The following DNAH17 variants were observed in gnomAD, a reference collection of about 807,000 sequenced individuals.
DNAH17 encodes the protein axonemal beta dynein heavy chain 17.
Under a neutral mutation model 485.6 loss-of-function variants are expected in DNAH17, and 376 were observed. The observed-to-expected ratio is 0.77, with a 90% CI of 0.71 to 0.84. DNAH17 has a LOEUF of 0.84. Ranked by LOEUF, DNAH17 falls within the 40% of genes least tolerant of loss-of-function variation. The probability of loss-of-function intolerance (pLI) is 0.00; values close to 1 mark genes in which losing one functional copy is unlikely to be tolerated. For synonymous variants in DNAH17, 3,031 were observed against 2,405.9 expected (o/e 1.26, Z -7.60); for missense variants, 6,370 against 5,839.3 (o/e 1.09, Z -2.96).
At position 78,484,985 on chromosome 17, in the gene DNAH17, G is replaced by A. The variant is rs1257968419; in HGVS notation, c.7532C>T (p.Pro2511Leu). 9.3e-6 allele frequency: 15 copies of A among 1,613,292 alleles called. No homozygotes were observed. The highest frequency in any genetic ancestry group is 4.5e-5 in the East Asian group (2 of 44,850). The change falls in exon 48 of 81, where the codon CCG becomes CTG. Residue 2511 changes from proline (P) to leucine (L), a missense_variant. Physicochemically the swap from Pro to Leu is moderately conservative, Grantham distance 98. Coordinates refer to ENST00000389840, the MANE Select transcript of DNAH17 (RefSeq NM_173628.4). ...GTAGACGAGCTTCTTAGTGCCTGGC[G>A]GCCCGTAGTTCCTCCCCGATTTCTT... The part of the protein sequence containing the change: ...LEKKSGRNYG[P>L]PGTKKLVYFI...
chr17:78,548,222 G>C (rs1450103866), intron 16 of DNAH17, among the ~76,000 whole-genome samples: 1 of 9,728 alleles, frequency 1.0e-4, no homozygotes, highest in Non-Finnish European at 2.3e-4. Context: ...TTTTTTTTTT[G>C]GAGACAGAGT....
intron 9 of DNAH17, 28 bp downstream of exon 9, chr17:78,569,138 G>A (rs77590763): frequency 1.3e-6 from 2 of 1,549,098 alleles, no homozygotes; most frequent in South Asian, 1.2e-5. Flanking sequence ...GGAAGTGGAG[G>A]TCAAGATGCA....
At chr17:78,493,807 C>T (rs2089960569) in intron 41 of DNAH17, among the ~76,000 whole-genome samples, 1 of 152,216 alleles carries the variant, frequency 6.6e-6, no homozygotes, top group African/African-American at 2.4e-5. Context: ...CAAGGAGGAA[C>T]AGGGAGGGAG....
At chr17:78,532,128 A>G (rs566295167) in intron 20 of DNAH17, among the ~76,000 whole-genome samples, 2 of 152,110 alleles carry the variant, frequency 1.3e-5, no homozygotes, top group South Asian at 4.1e-4. Context: ...TATAGCCTAG[A>G]GCCTGCTGAA....
At chr17:78,503,134 G>T (rs1292768372) in intron 31 of DNAH17, 123 bp from the exon 32 acceptor site, 3 of 1,085,588 alleles carry the variant, frequency 2.8e-6, no homozygotes, top group East Asian at 6.5e-5. Flanking sequence ...GGGCAGACAG[G>T]TCAAGGATTT....
At chr17:78,450,047 C>T (rs1014523919) in intron 68 of DNAH17, 1 of 606,282 alleles carries the variant, frequency 1.6e-6, no homozygotes, top group Non-Finnish European at 2.9e-6. Context: ...GGGAGCAGCT[C>T]ATACCCTCTC....
At chr17:78,506,356 G>C (rs1335963269) in intron 30 of DNAH17, among the ~76,000 whole-genome samples, 1 of 151,884 alleles carries the variant, frequency 6.6e-6, no homozygotes, top group Non-Finnish European at 1.5e-5. Context: ...CCTTGCTCTT[G>C]GGACCCTGAG....
At chr17:78,462,439 G>T (rs2088181789) in intron 57 of DNAH17, among the ~76,000 whole-genome samples, 1 of 152,132 alleles carries the variant, frequency 6.6e-6, no homozygotes, top group Admixed American at 6.5e-5. Context: ...GAAGCAGGCA[G>T]AACCCTTCAA....
Position 78,486,278 on chromosome 17 carries a change from C to T in DNAH17, c.7047G>A (p.Leu2349=). ...PPDSPRELYE[L]YFVFTCFWAF... ...CCCAGAAGCAGGTGAACACGAAGTA[C>T]AGCTCGTACAGCTCCCTGGGGGAGT... The change falls in exon 45 of 81, where the codon CTG becomes CTA. Residue 2349 remains leucine, a synonymous_variant. Coordinates refer to ENST00000389840, the MANE Select transcript of DNAH17 (RefSeq NM_173628.4). 1.9e-6 allele frequency: 3 copies of T among 1,607,614 alleles called. No homozygotes were observed. Among genetic ancestry groups the T allele is most frequent in the Admixed American group, 1.7e-5 (1 of 59,828 alleles).
intron 25 of DNAH17, among the ~76,000 whole-genome samples, chr17:78,516,769 A>T (rs1435669440): frequency 6.6e-6 from 1 of 151,876 alleles, no homozygotes; most frequent in Non-Finnish European, 1.5e-5. Context: ...AGAGGCCTTC[A>T]ATTTGTACCT....
intron 54 of DNAH17, among the ~76,000 whole-genome samples, chr17:78,473,129 G>A (rs149184320): frequency 6.6e-6 from 1 of 152,364 alleles, no homozygotes; most frequent in Admixed American, 6.5e-5. Flanking sequence ...TACTATGGCA[G>A]CACCATTAGA....
chr17:78,497,967 A>T (rs544170934), intron 37 of DNAH17, among the ~76,000 whole-genome samples: 373 of 152,052 alleles, frequency 2.5e-3, no homozygotes, highest in African/African-American at 8.5e-3. Context: ...ACACGGAGAA[A>T]CCCCATCTCT....
At chr17:78,492,248 T>C (rs1049615893) in intron 42 of DNAH17, among the ~76,000 whole-genome samples, 6 of 152,094 alleles carry the variant, frequency 3.9e-5, no homozygotes, top group Non-Finnish European at 7.4e-5. Flanking sequence ...CGCCACCTCC[T>C]GGGGGAAGCT....
chr17:78,472,758 C>G, intron 54 of DNAH17: 1 of 455,198 alleles, frequency 2.2e-6, no homozygotes, highest in Non-Finnish European at 4.4e-6. Flanking sequence ...TCCCCTCCCC[C>G]TCCGTTCTCC....
chr17:78,557,707 A>T (rs1383551379), intron 14 of DNAH17, among the ~76,000 whole-genome samples: 2 of 91,128 alleles, frequency 2.2e-5, no homozygotes, highest in Non-Finnish European at 4.6e-5. Flanking sequence ...ATTCATCACC[A>T]GCTGTTCTGA....
chr17:78,518,676 G>A lies in DNAH17; in HGVS notation c.3865-3654C>T, dbSNP rs1021829350. On this transcript the variant is annotated intron_variant, in intron 25 of 80. Transcript: ENST00000389840. ...CTAATTGACACGTATAAAACACTCCGCCCAACAGAAGCAGAATACGCATTC... is the reference window on the plus strand; with the variant it reads ...CTAATTGACACGTATAAAACACTCCACCCAACAGAAGCAGAATACGCATTC... Among the ~76,000 whole-genome samples the A allele has an allele frequency of 3.3e-5, 5 of 152,232 alleles. No individual in the cohort carries two copies. The East Asian group carries it at 5.8e-4, about 18-fold the overall frequency.
chr17:78,502,500 G>A (rs1057135122), intron 33 of DNAH17, 91 bp downstream of exon 33: 173 of 1,241,724 alleles, frequency 1.4e-4, no homozygotes, highest in Non-Finnish European at 1.7e-4. Context: ...CCAGGTACTC[G>A]CCCGGCAGGT....
In DNAH17 at chr17:78,529,400, G is replaced by C. The variant is rs539319098; in HGVS notation, c.3507+72C>G. On this transcript the variant is annotated intron_variant, in intron 22 of 80. Transcript: ENST00000389840. ...CATCCCCCATGGTTGCGTTTGATGG[G>C]CTGGTCCATGGTCGCGGCCGGGATG... 491 of 1,459,878 alleles carry C rather than the reference G, an allele frequency of 3.4e-4. 7 individuals carry two copies. In the South Asian group the frequency reaches 5.5e-3, roughly 16 times the overall value. The allele number at this position is 1,459,878 out of a possible 1,614,324, so 90.4% of individuals were successfully genotyped here.
At chr17:78,544,845 TTAA>T (rs1486078993) in intron 16 of DNAH17, among the ~76,000 whole-genome samples, 2 of 144,720 alleles carry the variant, frequency 1.4e-5, no homozygotes, top group African/African-American at 5.0e-5. Context: ...GTGGCCACTT[TTAA>T]TTATGATTTG....
Sources: allele counts gnomAD v4.1 joint callset (sites outside exome capture counted in the v4.1 genomes callset), GRCh38; gene constraint gnomAD v4.1.1; transcripts MANE v1.5; gene names NCBI Gene and HGNC (gene_info 2026-07-23, HGNC 2026-07-21).